ARFIP1: variants seen among roughly 807,000 people sequenced by gnomAD.
The protein encoded by ARFIP1 is ARF interacting protein 1, also known as arfaptin-1.
Under a neutral mutation model 42.5 loss-of-function variants are expected in ARFIP1, and 24 were observed. That is an observed-to-expected ratio of 0.57 (90% CI 0.41 to 0.80). The LOEUF (loss-of-function observed/expected upper bound fraction) is 0.80. Among genes scored for constraint, ARFIP1 ranks in the 30% least tolerant of loss-of-function variants. The pLI is 0.00. For synonymous variants in ARFIP1, 141 were observed against 153.7 expected, an observed-to-expected ratio of 0.92 and a Z score of 0.61; for missense variants, 354 against 434.0, an observed-to-expected ratio of 0.82 and a Z score of 1.64.
intron 5 of ARFIP1, among the ~76,000 whole-genome samples, chr4:152,879,705 C>T (rs4490442): frequency 0.68 from 103,550 of 151,756 alleles, 35,727 homozygotes; most frequent in African/African-American, 0.77. Flanking sequence ...CAAAATTAGC[C>T]ACGTGTGGTG....
At chr4:152,793,192 C>T in intron 1 of ARFIP1, among the ~76,000 whole-genome samples, 1 of 151,316 alleles carries the variant, frequency 6.6e-6, no homozygotes, top group East Asian at 1.9e-4. Flanking sequence ...ATTTTGTTAT[C>T]AAAGTTATAA....
chr4:152,905,281 T>C (rs1028728691), intron 8 of ARFIP1, among the ~76,000 whole-genome samples: 5 of 152,182 alleles, frequency 3.3e-5, no homozygotes, highest in Admixed American at 2.0e-4. Flanking sequence ...TCTAAGATGC[T>C]TATACCATTT....
intron 2 of ARFIP1, among the ~76,000 whole-genome samples, chr4:152,860,239 G>T (rs1260561658): frequency 2.0e-5 from 3 of 152,174 alleles, no homozygotes; most frequent in Non-Finnish European, 2.9e-5. Context: ...CAGCAATTCA[G>T]ACTATTTGCC....
At position 152,851,314 on chromosome 4, in the gene ARFIP1, A is replaced by G. The variant is rs145020331; in HGVS notation, c.94-12292A>G. ...GGTCTGAGTACTGGTGGGAGCATGGAAAGATTACCTGAGTGATTACTATAT... is the reference window on the plus strand; with the variant it reads ...GGTCTGAGTACTGGTGGGAGCATGGGAAGATTACCTGAGTGATTACTATAT... On this transcript the variant is annotated intron_variant, in intron 2 of 8. Transcript: ENST00000353617. Among the ~76,000 whole-genome samples the G allele has an allele frequency of 6.6e-5, 10 of 152,294 alleles. No homozygotes were observed. In the East Asian group the frequency reaches 1.7e-3, roughly 26 times the overall value.
chr4:152,873,227 G>A (rs939159737), intron 5 of ARFIP1, among the ~76,000 whole-genome samples: 1 of 152,224 alleles, frequency 6.6e-6, no homozygotes, highest in African/African-American at 2.4e-5. Flanking sequence ...AGCCCTAGCA[G>A]CTCAGGTTAG....
intron 2 of ARFIP1, among the ~76,000 whole-genome samples, chr4:152,837,481 A>C (rs1404141691): frequency 6.6e-6 from 1 of 152,158 alleles, no homozygotes; most frequent in East Asian, 1.9e-4. Context: ...TGCAGGAGTG[A>C]GGTGATATTG....
intron 1 of ARFIP1, among the ~76,000 whole-genome samples, chr4:152,801,098 A>G (rs1728385469): frequency 1.3e-5 from 2 of 152,176 alleles, no homozygotes; most frequent in African/African-American, 4.8e-5. Flanking sequence ...CGGCTTTTAC[A>G]TTGTAGACAC....
intron 1 of ARFIP1, among the ~76,000 whole-genome samples, chr4:152,812,449 C>G (rs570906530): frequency 6.6e-6 from 1 of 152,344 alleles, no homozygotes; most frequent in African/African-American, 2.4e-5. Context: ...CTCCTGGCCT[C>G]CCAAAGTGCT....
At chr4:152,862,556 A>G (rs1007983410) in intron 2 of ARFIP1, among the ~76,000 whole-genome samples, 17 of 152,146 alleles carry the variant, frequency 1.1e-4, no homozygotes, top group Non-Finnish European at 1.2e-4. Context: ...TTTAGAAAAA[A>G]TATATAACAG....
chr4:152,853,350 T>C (rs1733149932), intron 2 of ARFIP1, among the ~76,000 whole-genome samples: 1 of 152,256 alleles, frequency 6.6e-6, no homozygotes, highest in South Asian at 2.1e-4. Flanking sequence ...TTTATTGTAG[T>C]GCCTGTCTAC....
At chr4:152,808,282 C>CTTTTTTTTTTTTTTTTT (rs1729145464) in intron 1 of ARFIP1, among the ~76,000 whole-genome samples, 1 of 15,552 alleles carries the variant, frequency 6.4e-5, no homozygotes, top group Non-Finnish European at 1.6e-4. Flanking sequence ...GCCTGGCCTC[C>CTTTTTTTTTTTTTTTTT]ATTTTTTTTT....
At chr4:152,853,905 CTTTTTTTT>C (rs36055484) in intron 2 of ARFIP1, among the ~76,000 whole-genome samples, 1 of 74,740 alleles carries the variant, frequency 1.3e-5, no homozygotes, top group Admixed American at 1.7e-4. Context: ...TTCTGAGATT[CTTTTTTTT>C]TTTTTTTTTT....
At chr4:152,785,173 CTGTT>C (rs141993677) in intron 1 of ARFIP1, among the ~76,000 whole-genome samples, 4,072 of 152,316 alleles carry the variant, frequency 0.027, 99 homozygotes, top group South Asian at 0.11. Context: ...TCTTGGCACA[CTGTT>C]TGGAAATCTT....
At chr4:152,866,552 C>T (rs866891135) in intron 3 of ARFIP1, among the ~76,000 whole-genome samples, 8 of 105,266 alleles carry the variant, frequency 7.6e-5, no homozygotes, top group Middle Eastern at 5.3e-3. Context: ...GGGCTGACCC[C>T]CACCTCCCTC....
At chr4:152,899,537 T>G (rs62319955) in intron 8 of ARFIP1, among the ~76,000 whole-genome samples, 4,098 of 152,342 alleles carry the variant, frequency 0.027, 98 homozygotes, top group South Asian at 0.11. Context: ...CTTTTGTACC[T>G]AAATTGATTT....
intron 1 of ARFIP1, among the ~76,000 whole-genome samples, chr4:152,788,514 T>C (rs1390430660): frequency 2.0e-5 from 3 of 152,022 alleles, no homozygotes; most frequent in Non-Finnish European, 4.4e-5. Flanking sequence ...ACCCCATCTC[T>C]ACCAAAAATA....
At chr4:152,865,294 G>T (rs1316353669) in intron 3 of ARFIP1, among the ~76,000 whole-genome samples, 1 of 151,968 alleles carries the variant, frequency 6.6e-6, no homozygotes, top group Admixed American at 6.6e-5. Context: ...CTGCCACCAT[G>T]CCGGGCTAAT....
At chr4:152,803,084 C>T (rs1728550744) in intron 1 of ARFIP1, among the ~76,000 whole-genome samples, 2 of 152,178 alleles carry the variant, frequency 1.3e-5, no homozygotes, top group Non-Finnish European at 2.9e-5. Flanking sequence ...GATTTGTCCA[C>T]TGTCCAAATT....
At chr4:152,789,083 T>C (rs1561096783) in intron 1 of ARFIP1, among the ~76,000 whole-genome samples, 1 of 127,424 alleles carries the variant, frequency 7.8e-6, no homozygotes, top group Non-Finnish European at 1.6e-5. Context: ...ATACAGACTT[T>C]TTTTTTTTTT....
Sources: allele counts gnomAD v4.1 joint callset (sites outside exome capture counted in the v4.1 genomes callset), GRCh38; gene constraint gnomAD v4.1.1; transcripts MANE v1.5; gene names NCBI Gene and HGNC (gene_info 2026-07-23, HGNC 2026-07-21).